The following DPYD variants were observed in gnomAD, a reference collection of about 807,000 sequenced individuals.
DPYD encodes dihydropyrimidine dehydrogenase.
DPYD carries 109 observed loss-of-function variants against 116.2 expected under a neutral mutation model. That is an observed-to-expected ratio of 0.94 (90% confidence interval 0.80 to 1.10). DPYD has a LOEUF of 1.10. Among genes scored for constraint, DPYD ranks in the 50% least tolerant of loss-of-function variants. The pLI is 0.00. For missense variants in DPYD, 1,302 were observed against 1,254.5 expected, an observed-to-expected ratio of 1.04 and a Z score of -0.57; for synonymous variants, 440 against 432.0, an observed-to-expected ratio of 1.02 and a Z score of -0.23.
At chr1:97,298,562 T>C (rs1666673262) in intron 18 of DPYD, among the ~76,000 whole-genome samples, 2 of 152,204 alleles carry the variant, frequency 1.3e-5, no homozygotes, top group South Asian at 4.1e-4. Context: ...TCTTCTTATG[T>C]AATCAGACAT....
At chr1:97,397,882 G>T (rs1673103315) in intron 14 of DPYD, among the ~76,000 whole-genome samples, 1 of 151,950 alleles carries the variant, frequency 6.6e-6, no homozygotes, top group African/African-American at 2.4e-5. Context: ...ATACCAAGGA[G>T]TAGAGTTGTT....
chr1:97,274,909 G>A (rs748403927), intron 18 of DPYD, among the ~76,000 whole-genome samples: 15 of 152,124 alleles, frequency 9.9e-5, no homozygotes, highest in Non-Finnish European at 1.8e-4. Flanking sequence ...ATATAAACAC[G>A]AGAGAGATGC....
intron 16 of DPYD, among the ~76,000 whole-genome samples, chr1:97,314,480 C>T (rs1163832831): frequency 1.4e-5 from 2 of 140,688 alleles, no homozygotes; most frequent in Non-Finnish European, 3.0e-5. Context: ...CACTTAGTCG[C>T]TAAAGCTTTC....
intron 3 of DPYD, among the ~76,000 whole-genome samples, chr1:97,827,409 T>C (rs1669295306): frequency 1.3e-5 from 2 of 152,250 alleles, no homozygotes; most frequent in African/African-American, 4.8e-5. Context: ...TTTCTCACTC[T>C]GTGGATGATG....
At chr1:97,148,853 A>G (rs1435708422) in intron 20 of DPYD, among the ~76,000 whole-genome samples, 1 of 152,202 alleles carries the variant, frequency 6.6e-6, no homozygotes, top group African/African-American at 2.4e-5. Flanking sequence ...TTACAAGTAT[A>G]TCCTTTCTTG....
At chr1:97,393,208 T>C (rs968618804) in intron 14 of DPYD, among the ~76,000 whole-genome samples, 8 of 152,020 alleles carry the variant, frequency 5.3e-5, no homozygotes, top group Admixed American at 5.3e-4. Context: ...ATTTCTAGCT[T>C]TGGATTAAAG....
At chr1:97,697,234 C>A (rs937325374) in intron 6 of DPYD, among the ~76,000 whole-genome samples, 2 of 151,874 alleles carry the variant, frequency 1.3e-5, no homozygotes, top group African/African-American at 4.8e-5. Flanking sequence ...GAGATTAAAT[C>A]CTAGATATTT....
At chr1:97,833,184 T>C (rs1669617872) in intron 2 of DPYD, among the ~76,000 whole-genome samples, 1 of 151,978 alleles carries the variant, frequency 6.6e-6, no homozygotes, top group Non-Finnish European at 1.5e-5. Flanking sequence ...TTTTAACAAA[T>C]GAAAAGTCAC....
At chr1:97,222,135 A>G (rs1660818353) in intron 19 of DPYD, among the ~76,000 whole-genome samples, 1 of 152,118 alleles carries the variant, frequency 6.6e-6, no homozygotes, top group Non-Finnish European at 1.5e-5. Flanking sequence ...TAAAAATAGT[A>G]GTTTAAGACT....
At position 97,901,979 on chromosome 1, in the gene DPYD, T is replaced by C. The variant is rs1571557426; in HGVS notation, c.40-18605A>G. The stretch of plus-strand genomic sequence containing the variant: ...TTACATATATTATTAAACCCTCAAA[T>C]TCTTGTATTCCAATTGAAATCCACA... On this transcript the variant is annotated intron_variant, in intron 1 of 22. Transcript: ENST00000370192. 2.0e-5 allele frequency among the ~76,000 whole-genome samples: 3 copies of C among 151,962 alleles called. No individual in the cohort carries two copies. In the South Asian group the frequency reaches 6.2e-4, roughly 31 times the overall value.
intron 18 of DPYD, among the ~76,000 whole-genome samples, chr1:97,262,940 A>AC (rs1336984703): frequency 3.3e-5 from 5 of 152,224 alleles, no homozygotes; most frequent in Non-Finnish European, 7.4e-5. Context: ...ATTCAAGTAT[A>AC]AAGTATCACC....
chr1:97,713,709 A>C (rs1662425205), intron 5 of DPYD, among the ~76,000 whole-genome samples: 1 of 152,172 alleles, frequency 6.6e-6, no homozygotes, highest in South Asian at 2.1e-4. Context: ...AGGGTAAAAA[A>C]TATTTATCTT....
intron 18 of DPYD, among the ~76,000 whole-genome samples, chr1:97,275,631 T>A (rs377334684): frequency 3.9e-4 from 59 of 152,338 alleles, no homozygotes; most frequent in South Asian, 1.0e-3. Flanking sequence ...TGAATATATG[T>A]CATCTATTTC....
At chr1:97,730,109 CGT>C (rs1557915005) in intron 4 of DPYD, among the ~76,000 whole-genome samples, 2 of 151,934 alleles carry the variant, frequency 1.3e-5, no homozygotes, top group Non-Finnish European at 2.9e-5. Context: ...ATTTTTATGA[CGT>C]GTCTTATTTT....
At chr1:97,524,020 T>TAA (rs546183481) in intron 12 of DPYD, among the ~76,000 whole-genome samples, 1 of 142,888 alleles carries the variant, frequency 7.0e-6, no homozygotes, top group African/African-American at 2.6e-5. Context: ...TATTTTAAAC[T>TAA]AAAAAAAAAA....
intron 1 of DPYD, among the ~76,000 whole-genome samples, chr1:97,912,620 ATCT>A (rs1358516039): frequency 2.0e-5 from 3 of 152,118 alleles, no homozygotes; most frequent in Admixed American, 6.6e-5. Flanking sequence ...TATGTTTTAA[ATCT>A]TCTGTAATAA....
intron 16 of DPYD, among the ~76,000 whole-genome samples, chr1:97,314,772 C>T (rs1029825423): frequency 2.0e-5 from 3 of 151,904 alleles, no homozygotes; most frequent in Non-Finnish European, 4.4e-5. Flanking sequence ...CCGGCTAATC[C>T]CAACAGGAAA....
At chr1:97,399,959 G>T (rs942595934) in intron 14 of DPYD, among the ~76,000 whole-genome samples, 6 of 151,970 alleles carry the variant, frequency 3.9e-5, no homozygotes, top group Admixed American at 2.0e-4. Flanking sequence ...CTGCCTAATT[G>T]CCCTGGCCAG....
At chr1:97,693,826 G>A (rs531866143) in intron 6 of DPYD, among the ~76,000 whole-genome samples, 1 of 152,234 alleles carries the variant, frequency 6.6e-6, no homozygotes, top group Admixed American at 6.5e-5. Context: ...GATTTTTATG[G>A]GATGTTAAGT....
Sources: allele counts gnomAD v4.1 joint callset (sites outside exome capture counted in the v4.1 genomes callset), GRCh38; gene constraint gnomAD v4.1.1; transcripts MANE v1.5; gene names NCBI Gene and HGNC (gene_info 2026-07-23, HGNC 2026-07-21).